Variants in NFIA observed in about 807,000 individuals in gnomAD.
NFIA encodes the protein nuclear factor 1 A-type.
NFIA carries 8 observed loss-of-function variants against 62.8 expected under a neutral mutation model. That is an observed-to-expected ratio of 0.13 (90% CI 0.07 to 0.23). The LOEUF (loss-of-function observed/expected upper bound fraction) is 0.23, where lower values mean the gene tolerates loss of function less well. Among genes scored for constraint, NFIA ranks in the 10% least tolerant of loss-of-function variants. NFIA has a pLI of 1.00. For missense variants in NFIA, 410 were observed against 642.1 expected (o/e 0.64, Z 3.91); for synonymous variants, 235 against 238.1 (o/e 0.99, Z 0.12).
At chr1:61,390,475 AGGTAGTCAGAAG>A in intron 7 of NFIA, among the ~76,000 whole-genome samples, 1 of 152,172 alleles carries the variant, frequency 6.6e-6, no homozygotes, top group African/African-American at 2.4e-5. Flanking sequence ...CTGTTTGGAG[AGGTAGTCAGAAG>A]TTTATATGCT....
At chr1:61,167,361 G>C in intron 2 of NFIA, among the ~76,000 whole-genome samples, 1 of 152,102 alleles carries the variant, frequency 6.6e-6, no homozygotes, top group East Asian at 1.9e-4. Context: ...TCTAAAGGAG[G>C]CATTTTCTTT....
chr1:61,363,161 C>T (rs929505456), intron 6 of NFIA, among the ~76,000 whole-genome samples: 10 of 152,216 alleles, frequency 6.6e-5, no homozygotes, highest in South Asian at 2.1e-4. Flanking sequence ...CAAGCCCACA[C>T]AGATAGTAAA....
intron 2 of NFIA, among the ~76,000 whole-genome samples, chr1:61,159,680 C>CTTTTTTTTTTTTTTTTTTTTTTTTTT (rs11300026): frequency 2.3e-5 from 2 of 85,850 alleles, no homozygotes; most frequent in Non-Finnish European, 5.0e-5. Context: ...AATGTAGATG[C>CTTTTTTTTTTTTTTTTTTTTTTTTTT]TTTTTTTTTT....
intron 10 of NFIA, among the ~76,000 whole-genome samples, chr1:61,438,402 G>A (rs984662085): frequency 2.0e-5 from 3 of 152,138 alleles, no homozygotes; most frequent in African/African-American, 7.2e-5. Context: ...TTTATCTTTA[G>A]GACAAGGGGC....
chr1:61,077,227 A>C, upstream of NFIA: 1 of 179,760 alleles, frequency 5.6e-6, no homozygotes, highest in Non-Finnish European at 1.2e-5. Context: ...GGGAGTTGGG[A>C]GAGGAGAGAG....
rs1235286348 is a variant in NFIA, at chr1:61,333,238, C to T, written c.700+652C>T. On this transcript the variant is annotated intron_variant, in intron 4 of 10. Coordinates refer to ENST00000403491, the MANE Select transcript of NFIA (RefSeq NM_001134673.4). Reference sequence around the variant, plus strand: ...TTTTGTTTTACTCCTCCAACTACTTCAAAATACCACTTGTAGGTAAAATTT... The same window carrying T: ...TTTTGTTTTACTCCTCCAACTACTTTAAAATACCACTTGTAGGTAAAATTT... Among the ~76,000 whole-genome samples the T allele has an allele frequency of 3.3e-5, 5 of 152,162 alleles. No individual in the cohort carries two copies. The East Asian group carries it at 7.7e-4, about 23-fold the overall frequency.
rs967553217 is a variant in NFIA at position 61,406,419 on chromosome 1, A to G, written c.1255-143A>G. The G allele has an allele frequency of 8.2e-6, 6 of 731,520 alleles. No individual in the cohort carries two copies. The African/African-American group carries it at 8.8e-5, about 11-fold the overall frequency. The allele number at this position is 731,520 out of a possible 1,614,324, so 45.3% of individuals were successfully genotyped here. ...ACAATGGACATTTCCGTATGGGCTT[A>G]TGGAAGAATTGAAGCAGCTAGATAC... On this transcript the variant is annotated intron_variant, in intron 8 of 10. Transcript: ENST00000403491.
intron 4 of NFIA, among the ~76,000 whole-genome samples, chr1:61,339,361 T>C (rs1018324909): frequency 3.3e-5 from 5 of 152,192 alleles, no homozygotes; most frequent in Admixed American, 2.6e-4. Flanking sequence ...AAAGAAAATC[T>C]AAGTTATGGA....
At chr1:61,282,328 T>C (rs2100287240) in intron 3 of NFIA, among the ~76,000 whole-genome samples, 1 of 152,350 alleles carries the variant, frequency 6.6e-6, no homozygotes. Context: ...TATCACTGAA[T>C]CTGGCTTTTC....
intron 3 of NFIA, among the ~76,000 whole-genome samples, chr1:61,330,887 T>C (rs1299678871): frequency 1.3e-5 from 2 of 152,200 alleles, no homozygotes; most frequent in Non-Finnish European, 2.9e-5. Context: ...TTAATGTACA[T>C]TGTGGTTAGA....
rs577557180 is a variant in NFIA, at chr1:61,409,890, G to A, written c.1420+3163G>A. The stretch of plus-strand genomic sequence containing the variant: ...CCTTACAACCTAGAGAGTAACAGGT[G>A]AGAGGGTGGAGAGAAGCCAAGAGTA... On this transcript the variant is annotated intron_variant, in intron 9 of 10. Transcript: ENST00000403491. Among the ~76,000 whole-genome samples the A allele has an allele frequency of 2.6e-5, 4 of 152,362 alleles. No individual in the cohort carries two copies. In the South Asian group the frequency reaches 8.3e-4, roughly 32 times the overall value.
rs376275161 is a variant in NFIA at position 61,426,571 on chromosome 1, T to A, written c.1512+15T>A. On this transcript the variant is annotated intron_variant, in intron 10 of 10. Coordinates refer to ENST00000403491, the MANE Select transcript of NFIA (RefSeq NM_001134673.4). Reference sequence around the variant, plus strand: ...AACAGACACAGGTGGGCCGCTCTCATCTTTTCTGTATGTGGTGCAGCTTGT... The same window carrying A: ...AACAGACACAGGTGGGCCGCTCTCAACTTTTCTGTATGTGGTGCAGCTTGT... 218 of 1,537,162 alleles carry A rather than the reference T, an allele frequency of 1.4e-4. No individual in the cohort carries two copies. Among genetic ancestry groups the A allele is most frequent in the Admixed American group, 2.9e-4 (15 of 50,954 alleles).
At chr1:61,249,705 T>G (rs1655897421) in intron 2 of NFIA, among the ~76,000 whole-genome samples, 1 of 152,128 alleles carries the variant, frequency 6.6e-6, no homozygotes, top group African/African-American at 2.4e-5. Flanking sequence ...CTCAGGAGGC[T>G]GAGGCACAAG....
intron 3 of NFIA, among the ~76,000 whole-genome samples, chr1:61,325,235 C>T (rs967452482): frequency 6.6e-6 from 1 of 152,140 alleles, no homozygotes; most frequent in East Asian, 1.9e-4. Flanking sequence ...AATTTGGAAT[C>T]GCTTAAACTC....
At chr1:61,321,193 A>G (rs774864701) in intron 3 of NFIA, among the ~76,000 whole-genome samples, 6 of 151,826 alleles carry the variant, frequency 4.0e-5, no homozygotes, top group Non-Finnish European at 5.9e-5. Context: ...TTCTAATATG[A>G]TGCAAAATTC....
chr1:61,449,320 T>C (rs1470224206), intron 10 of NFIA, among the ~76,000 whole-genome samples: 1 of 152,226 alleles, frequency 6.6e-6, no homozygotes, highest in Non-Finnish European at 1.5e-5. Context: ...CACCAGGCTT[T>C]GGTAACCTCG....
chr1:61,223,268 C>A (rs1654126869), intron 2 of NFIA, among the ~76,000 whole-genome samples: 1 of 151,880 alleles, frequency 6.6e-6, no homozygotes, highest in Non-Finnish European at 1.5e-5. Context: ...ACTCTTTGGC[C>A]AGGAAATAGA....
chr1:61,177,653 T>TTGTGTGTGTG lies in NFIA; in HGVS notation c.559+88997_559+89006dup, dbSNP rs56299869. Among the ~76,000 whole-genome samples the TTGTGTGTGTG allele has an allele frequency of 8.3e-3, 1,215 of 146,144 alleles. 11 individuals are homozygous for TTGTGTGTGTG. Among genetic ancestry groups the TTGTGTGTGTG allele is most frequent in the East Asian group, 0.053 (265 of 4,962 alleles). ...GTTTATAGTAAGAATGTTTTCTCTATTGTGTGTGTGTGTGTGTGTGTGTGT... is the reference window on the plus strand; with the variant it reads ...GTTTATAGTAAGAATGTTTTCTCTATTGTGTGTGTGTGTGTGTGTGTGTGTGTGTGTGTGT... On this transcript the variant is annotated intron_variant, in intron 2 of 10. Transcript: ENST00000403491.
chr1:61,322,098 T>C (rs903355275), intron 3 of NFIA, among the ~76,000 whole-genome samples: 5 of 152,228 alleles, frequency 3.3e-5, no homozygotes, highest in African/African-American at 1.2e-4. Context: ...ATTTTGCCAC[T>C]ATCTGTGTGA....
Sources: allele counts gnomAD v4.1 joint callset (sites outside exome capture counted in the v4.1 genomes callset), GRCh38; gene constraint gnomAD v4.1.1; transcripts MANE v1.5; gene names NCBI Gene and HGNC (gene_info 2026-07-23, HGNC 2026-07-21).